Variants in ACOT8 observed in about 807,000 individuals in gnomAD.
ACOT8 encodes the protein acyl-coenzyme A thioesterase 8.
A neutral mutation model predicts 38.4 loss-of-function variants in ACOT8; 31 were observed. That is an observed-to-expected ratio of 0.81 (90% CI 0.61 to 1.09). The LOEUF (loss-of-function observed/expected upper bound fraction) is 1.09. Among genes scored for constraint, ACOT8 ranks in the 50% least tolerant of loss-of-function variants. The pLI, the probability that ACOT8 is intolerant of heterozygous loss-of-function variation, is 0.00. For synonymous variants in ACOT8, 158 were observed against 170.3 expected, an observed-to-expected ratio of 0.93 and a Z score of 0.56; for missense variants, 373 against 421.8, an observed-to-expected ratio of 0.88 and a Z score of 1.01.
At chr20:45,852,348 T>TG (rs1568739615) in intron 2 of ACOT8, among the ~76,000 whole-genome samples, 11 of 113,194 alleles carry the variant, frequency 9.7e-5, no homozygotes, top group African/African-American at 4.9e-4. Flanking sequence ...TTGTGTGTGT[T>TG]TTTTTTTTTT....
At chr20:45,849,395 G>A (rs1389288420) in intron 2 of ACOT8, among the ~76,000 whole-genome samples, 1 of 151,850 alleles carries the variant, frequency 6.6e-6, no homozygotes, top group Non-Finnish European at 1.5e-5. Flanking sequence ...AGCGATTCCT[G>A]TGACTCAGCC....
At chr20:45,850,680 G>A (rs1162689486) in intron 2 of ACOT8, among the ~76,000 whole-genome samples, 3 of 152,150 alleles carry the variant, frequency 2.0e-5, no homozygotes, top group Non-Finnish European at 2.9e-5. Context: ...AACACAGGGA[G>A]ACCCTGTTTC....
chr20:45,844,318 C>T lies in ACOT8; in HGVS notation c.591G>A (p.Gln197=), dbSNP rs1242446508. 6.2e-7 allele frequency: 1 copy of T among 1,614,076 alleles called. No individual in the cohort carries two copies. The highest frequency in any genetic ancestry group is 8.5e-7 in the Non-Finnish European group (1 of 1,180,046). Residue 197 remains glutamine (Q), a synonymous_variant, in exon 4 of 6, where the codon CAG becomes CAA. Coordinates refer to ENST00000217455, the MANE Select transcript of ACOT8 (RefSeq NM_005469.4). The part of the protein sequence containing the change: ...IKPVNPSPLS[Q]LQRMEPKQMF... ...TCTGTTTGGGCTCCATTCTCTGCAG[C>T]TGGCTCAGGGGGGATGGGTTTACTG... is the stretch of plus-strand genomic sequence containing the variant.
intron 5 of ACOT8, chr20:45,842,485 AT>A (rs1984288504): frequency 9.7e-7 from 1 of 1,027,246 alleles, no homozygotes; most frequent in South Asian, 3.9e-5. Context: ...CATGAAAAAT[AT>A]CCCCACTACC....
At chr20:45,851,489 G>C (rs566537695) in intron 2 of ACOT8, among the ~76,000 whole-genome samples, 16 of 152,322 alleles carry the variant, frequency 1.1e-4, no homozygotes, top group African/African-American at 3.6e-4. Flanking sequence ...ATGAGTTCCA[G>C]CCCTATTCTT....
Position 45,855,193 on chromosome 20 carries a change from G to C in ACOT8, c.228C>G (p.His76Gln), listed in dbSNP as rs765891952. 6.2e-6 allele frequency: 10 copies of C among 1,614,148 alleles called. No homozygotes were observed. Among genetic ancestry groups the C allele is most frequent in the Non-Finnish European group, 8.5e-6 (10 of 1,180,030 alleles). ...AAAKSVSEDV[H>Q]VHSLHCYFVR... ...CAAAGTAGCAGTGCAGGGAGTGCACGTGGACGTCTTCACTCACAGACTTGG... is the reference window on the plus strand; with the variant it reads ...CAAAGTAGCAGTGCAGGGAGTGCACCTGGACGTCTTCACTCACAGACTTGG... Residue 76 changes from histidine (H) to glutamine (Q), a missense_variant, in exon 2 of 6, where the codon CAC becomes CAG. Coordinates refer to ENST00000217455, the MANE Select transcript of ACOT8 (RefSeq NM_005469.4).
At chr20:45,842,733 G>C (rs765200560) in intron 5 of ACOT8, 3 of 989,168 alleles carry the variant, frequency 3.0e-6, no homozygotes, top group Non-Finnish European at 3.6e-6. Context: ...ATCCAGAGAG[G>C]GTCAGGAATT....
At chr20:45,855,768 A>G (rs1279390342) in intron 1 of ACOT8, among the ~76,000 whole-genome samples, 1 of 152,114 alleles carries the variant, frequency 6.6e-6, no homozygotes, top group Non-Finnish European at 1.5e-5. Flanking sequence ...ATAAAATTAA[A>G]TAAATGTATA....
At chr20:45,854,104 T>C (rs1361797236) in intron 2 of ACOT8, 3 of 625,314 alleles carry the variant, frequency 4.8e-6, no homozygotes, top group Non-Finnish European at 7.3e-6. Context: ...CTCGATTTAT[T>C]GCCCTGGCTG....
intron 3 of ACOT8, 110 bp downstream of exon 3, chr20:45,848,340 A>G (rs1984822915): frequency 1.0e-6 from 1 of 979,976 alleles, no homozygotes; most frequent in Non-Finnish European, 1.5e-6. Context: ...CTTCTTTTCT[A>G]ATCTGTATTT....
intron 5 of ACOT8, chr20:45,842,324 T>C (rs1984266748): frequency 2.1e-6 from 3 of 1,396,810 alleles, no homozygotes; most frequent in Non-Finnish European, 2.8e-6. Flanking sequence ...CTCTCCTCGC[T>C]TCCTCAAAAA....
intron 5 of ACOT8, chr20:45,842,753 G>C: frequency 1.0e-6 from 1 of 989,310 alleles, no homozygotes. Context: ...TTGGCCCCAT[G>C]ATGAAGCCAA....
intron 2 of ACOT8, among the ~76,000 whole-genome samples, chr20:45,850,739 A>G (rs1227187813): frequency 6.6e-6 from 1 of 152,156 alleles, no homozygotes; most frequent in Non-Finnish European, 1.5e-5. Context: ...GCATGTGCCT[A>G]TAGTCCCAGC....
At chr20:45,842,947 T>C (rs1457804122) in intron 5 of ACOT8, 32 of 1,011,774 alleles carry the variant, frequency 3.2e-5, no homozygotes, top group East Asian at 9.4e-5. Flanking sequence ...AAGCTAGACA[T>C]TGATGAACGA....
At chr20:45,844,716 C>G (rs1984550829) in intron 3 of ACOT8, among the ~76,000 whole-genome samples, 1 of 152,164 alleles carries the variant, frequency 6.6e-6, no homozygotes, top group South Asian at 2.1e-4. Flanking sequence ...AATATCTAAC[C>G]AACACATCAT....
chr20:45,844,638 C>G (rs76363670), intron 3 of ACOT8, among the ~76,000 whole-genome samples: 6,632 of 152,236 alleles, frequency 0.044, 187 homozygotes, highest in South Asian at 0.13. Flanking sequence ...AGTCTATTTT[C>G]CCATCTGCAA....
At chr20:45,845,535 C>T (rs1984621165) in intron 3 of ACOT8, among the ~76,000 whole-genome samples, 1 of 152,204 alleles carries the variant, frequency 6.6e-6, no homozygotes, top group South Asian at 2.1e-4. Context: ...GGCTGCCTGA[C>T]TTGGCCTGAG....
Position 45,848,797 on chromosome 20 carries a change from T to G in ACOT8, c.263-122A>C, listed in dbSNP as rs113422635. 4,223 of 889,672 alleles carry G rather than the reference T, an allele frequency of 4.7e-3. 136 individuals are homozygous for G. The African/African-American group carries it at 0.064, about 14-fold the overall frequency. 55.1% of individuals were successfully genotyped at this position (889,672 alleles called of 1,614,324 possible). A position where few individuals can be genotyped will look rare whatever the true frequency, so the allele number is the denominator to read the frequency against. On this transcript the variant is annotated intron_variant, in intron 2 of 5. Coordinates refer to ENST00000217455, the MANE Select transcript of ACOT8 (RefSeq NM_005469.4). ...TCAGTGACTACTAACTGAGGTCTGC[T>G]AAGGTCCAGGCCCAGGGATACAGAG...
At chr20:45,843,213 A>T in intron 5 of ACOT8, 1 of 502,730 alleles carries the variant, frequency 2.0e-6, no homozygotes, top group East Asian at 5.5e-5. Flanking sequence ...TGTTTAGATG[A>T]GGAAACTGAG....
Sources: gnomAD v4.1 joint callset for allele counts (sites outside exome capture counted in the v4.1 genomes callset) on GRCh38, gnomAD v4.1.1 for gene constraint, MANE v1.5 for transcripts, NCBI Gene and HGNC (gene_info 2026-07-23, HGNC 2026-07-21) for gene names.